Variants in E2F2 observed in about 807,000 individuals in gnomAD.
E2F2 encodes the protein transcription factor E2F2.
E2F2 carries 22 observed loss-of-function variants against 42.2 expected under a neutral mutation model. The observed-to-expected ratio is 0.52, with a 90% CI of 0.37 to 0.74. E2F2 has a LOEUF of 0.74. Among genes scored for constraint, E2F2 ranks in the 30% least tolerant of loss-of-function variants. The pLI, the probability that E2F2 is intolerant of heterozygous loss-of-function variation, is 0.00. For synonymous variants in E2F2, 248 were observed against 251.6 expected (o/e 0.99, Z 0.13); for missense variants, 481 against 557.8 (o/e 0.86, Z 1.39).
rs3218211 is a variant in E2F2 at position 23,509,302 on chromosome 1, A to G, written c.*578T>C. ...GAGGCCTAAGTGCAATTAGCATTCTAGCAGACTGGACAGCCCCTCAGAGTC... is the reference window on the plus strand; with the variant it reads ...GAGGCCTAAGTGCAATTAGCATTCTGGCAGACTGGACAGCCCCTCAGAGTC... On this transcript the variant is annotated 3_prime_UTR_variant, in exon 7 of 7. Coordinates refer to ENST00000361729, the MANE Select transcript of E2F2 (RefSeq NM_004091.4). 0.48 allele frequency: 72,505 copies of G among 152,044 alleles called. 17,660 individuals carry two copies. The highest frequency in any genetic ancestry group is 0.59 in the East Asian group (3,057 of 5,156). The allele number at this position is 152,044 out of a possible 1,614,324, so 9.4% of individuals were successfully genotyped here. A position where few individuals can be genotyped will look rare whatever the true frequency, so the allele number is the denominator to read the frequency against.
At position 23,521,062 on chromosome 1, in the gene E2F2, TC is replaced by T; in HGVS notation, c.587del (p.Gly196GlufsTer19). On this transcript the variant is annotated frameshift_variant, in exon 4 of 7. Coordinates refer to ENST00000361729, the MANE Select transcript of E2F2 (RefSeq NM_004091.4). LOFTEE classifies it high-confidence loss of function. ...CAGGTCTGGTGGGGTCTTCAAACAT[TC>T]CCCTGCCTCTGGGAACAGAGCAGCC... is the stretch of plus-strand genomic sequence containing the variant. ...AKNNIQWVGR[G>X]MFEDPTRPGK... The T allele has an allele frequency of 6.2e-7, 1 of 1,609,984 alleles. No homozygotes were observed. Among genetic ancestry groups the T allele is most frequent in the Non-Finnish European group, 8.5e-7 (1 of 1,178,368 alleles).
intron 6 of E2F2, among the ~76,000 whole-genome samples, chr1:23,512,279 G>A (rs900255717): frequency 1.3e-5 from 2 of 152,076 alleles, no homozygotes; most frequent in Admixed American, 6.6e-5. Flanking sequence ...CCTTGCTCCT[G>A]TTAAAAATTG....
intron 3 of E2F2, among the ~76,000 whole-genome samples, chr1:23,521,336 A>C (rs980228757): frequency 1.3e-5 from 2 of 152,094 alleles, no homozygotes; most frequent in African/African-American, 4.8e-5. Context: ...GAGTAGCCTC[A>C]GTCCTGACTC....
chr1:23,530,623 C>G lies in E2F2; in HGVS notation c.171G>C (p.Ala57=). The part of the protein sequence containing the change: ...PLYPQTAPPA[A]APGTCLDATP... ...TGGCGTCGAGGCAGGTGCCTGGCGC[C>G]GCTGCGGGAGGCGCCGTCTGCGGGT... Residue 57 remains alanine (A), a synonymous_variant, in exon 1 of 7, where the codon GCG becomes GCC. Coordinates refer to ENST00000361729, the MANE Select transcript of E2F2 (RefSeq NM_004091.4). The surrounding 1 kb of genome is among the most constrained non-coding windows in gnomAD (Gnocchi z 4.4). 7 of 1,613,174 alleles carry G rather than the reference C, an allele frequency of 4.3e-6. No homozygotes were observed. The highest frequency in any genetic ancestry group is 5.9e-6 in the Non-Finnish European group (7 of 1,179,788).
intron 2 of E2F2, among the ~76,000 whole-genome samples, chr1:23,523,811 C>T (rs1643197553): frequency 6.6e-6 from 1 of 152,096 alleles, no homozygotes; most frequent in Non-Finnish European, 1.5e-5. Flanking sequence ...TGGTGGCTCA[C>T]GCCTGTAATC....
At chr1:23,526,073 G>C (rs1643245472) in intron 1 of E2F2, among the ~76,000 whole-genome samples, 1 of 151,968 alleles carries the variant, frequency 6.6e-6, no homozygotes, top group Non-Finnish European at 1.5e-5. Context: ...TCCTTGGTTT[G>C]AGGAGCCTGG....
At chr1:23,526,533 G>A (rs561623710) in intron 1 of E2F2, among the ~76,000 whole-genome samples, 2 of 152,040 alleles carry the variant, frequency 1.3e-5, no homozygotes, top group Admixed American at 6.6e-5. Context: ...TGTCTCCCCC[G>A]CCAGAACAAA....
chr1:23,524,453 C>A lies in E2F2; in HGVS notation c.288G>T (p.Arg96Ser). The change falls in exon 2 of 7, where the codon AGG (arginine) becomes AGT (serine). Residue 96 changes from arginine (R) to serine (S), a missense_variant. Arg to Ser is a moderately radical substitution (Grantham distance 110). Coordinates refer to ENST00000361729, the MANE Select transcript of E2F2 (RefSeq NM_004091.4). ...GGGTTGGGAACTCAGGGACGACGGGCCTCCCAATCCCCTCCAGATCCAGCT... is the reference window on the plus strand; with the variant it reads ...GGGTTGGGAACTCAGGGACGACGGGACTCCCAATCCCCTCCAGATCCAGCT... Reference protein sequence around the residue: ...KRKLDLEGIGRPVVPEFPTPK... With the variant: ...KRKLDLEGIGSPVVPEFPTPK... The A allele has an allele frequency of 6.2e-7, 1 of 1,613,674 alleles. No individual in the cohort carries two copies. Among genetic ancestry groups the A allele is most frequent in the Non-Finnish European group, 8.5e-7 (1 of 1,179,814 alleles).
In E2F2 at chr1:23,521,294, G is replaced by C. The variant is rs560879248; in HGVS notation, c.579-223C>G. On this transcript the variant is annotated intron_variant, in intron 3 of 6. Transcript: ENST00000361729. ...CCATTTCTGAGGGGCTCTCGACTCT[G>C]TTCATCCCTATGCCCCAGCCTCCTC... Among the ~76,000 whole-genome samples the C allele has an allele frequency of 2.0e-5, 3 of 152,250 alleles. No individual in the cohort carries two copies. The East Asian group carries it at 5.8e-4, about 29-fold the overall frequency.
Position 23,522,745 on chromosome 1 carries a change from C to T in E2F2, c.359-689G>A, listed in dbSNP as rs564912947. Among the ~76,000 whole-genome samples the T allele has an allele frequency of 2.0e-5, 3 of 152,268 alleles. No homozygotes were observed. The South Asian group carries it at 6.2e-4, about 32-fold the overall frequency. ...TCGGGGAGGTTCATGAGAAAGGTCC[C>T]TTTCTCAATGAGGTTGATGTTGCAA... On this transcript the variant is annotated intron_variant, in intron 2 of 6. Transcript: ENST00000361729.
chr1:23,512,852 G>A (rs549306949), intron 6 of E2F2, among the ~76,000 whole-genome samples: 12 of 150,676 alleles, frequency 8.0e-5, no homozygotes, highest in Non-Finnish European at 1.5e-4. Flanking sequence ...CCACTCTGTC[G>A]GTCAGGCTGG....
At chr1:23,518,360 A>T (rs1643067307) in intron 5 of E2F2, among the ~76,000 whole-genome samples, 3 of 151,868 alleles carry the variant, frequency 2.0e-5, no homozygotes, top group Non-Finnish European at 4.4e-5. Context: ...AATCTCAGCT[A>T]CTTGGGAGGC....
chr1:23,529,782 C>T lies in E2F2; in HGVS notation c.252+760G>A, dbSNP rs1467372844. ...CCTCCACTCCCCCAGGCTTTTCCCACTCCACCCCCCACCCTAAAGTTGTTT... is the reference window on the plus strand; with the variant it reads ...CCTCCACTCCCCCAGGCTTTTCCCATTCCACCCCCCACCCTAAAGTTGTTT... On this transcript the variant is annotated intron_variant, in intron 1 of 6. Transcript: ENST00000361729. Among the ~76,000 whole-genome samples, 3 of 152,282 alleles carry T rather than the reference C, an allele frequency of 2.0e-5. No individual in the cohort carries two copies. In the East Asian group the frequency reaches 5.8e-4, roughly 29 times the overall value.
intron 5 of E2F2, 116 bp from the exon 6 acceptor site, chr1:23,516,643 G>C: frequency 2.5e-6 from 2 of 810,056 alleles, no homozygotes; most frequent in Non-Finnish European, 3.7e-6. Context: ...CAAACCCTGG[G>C]CTGGCACTGA....
chr1:23,512,114 T>C (rs539368873), intron 6 of E2F2, among the ~76,000 whole-genome samples: 2 of 152,146 alleles, frequency 1.3e-5, no homozygotes, highest in African/African-American at 4.8e-5. Context: ...AGGAGAATCA[T>C]TGGAACCCAG....
rs536532385 is a variant in E2F2 at position 23,507,107 on chromosome 1, A to AC, written c.*2772_*2773insG. 1 of 151,960 alleles carries AC rather than the reference A, an allele frequency of 6.6e-6. No individual in the cohort carries two copies. Among genetic ancestry groups the AC allele is most frequent in the African/African-American group, 2.4e-5 (1 of 41,358 alleles). The allele number at this position is 151,960 out of a possible 1,614,324, so 9.4% of individuals were successfully genotyped here. A position where few individuals can be genotyped will look rare whatever the true frequency, so the allele number is the denominator to read the frequency against. ...TTAGAAGTCCCTGGGGACACGAGTG[A>AC]TTTTTTTAGGGGGGCTGCTGGTGGG... On this transcript the variant is annotated 3_prime_UTR_variant, in exon 7 of 7. Transcript: ENST00000361729.
At chr1:23,510,266 G>A in intron 6 of E2F2, 118 bp from the exon 7 acceptor site, 2 of 1,413,092 alleles carry the variant, frequency 1.4e-6, no homozygotes, top group South Asian at 1.6e-5. Context: ...TAGCCTGGGT[G>A]GACTGTCGTG....
chr1:23,514,149 C>T (rs997444998), intron 6 of E2F2, among the ~76,000 whole-genome samples: 6 of 151,872 alleles, frequency 4.0e-5, no homozygotes, highest in African/African-American at 1.4e-4. Flanking sequence ...ACTTCACACC[C>T]TTGTTTATGC....
At chr1:23,518,312 A>T (rs1438998623) in intron 5 of E2F2, among the ~76,000 whole-genome samples, 1 of 152,018 alleles carries the variant, frequency 6.6e-6, no homozygotes, top group Admixed American at 6.6e-5. Context: ...CTAAAAAAAA[A>T]ATACAAAACT....
Sources: gnomAD v4.1 joint callset for allele counts (sites outside exome capture counted in the v4.1 genomes callset) on GRCh38, gnomAD v4.1.1 for gene constraint, Gnocchi (gnomAD v3.1) non-coding constraint, MANE v1.5 for transcripts, NCBI Gene and HGNC (gene_info 2026-07-23, HGNC 2026-07-21) for gene names.